SRPK1: variants seen among roughly 807,000 people sequenced by gnomAD.
SRPK1 encodes the protein SFRS protein kinase 1.
SRPK1 carries 52 observed loss-of-function variants against 89.5 expected under a neutral mutation model. That is an observed-to-expected ratio of 0.58 (90% CI 0.46 to 0.73). The LOEUF (loss-of-function observed/expected upper bound fraction) is 0.73. SRPK1 is among the 30% of genes least tolerant of loss of function. The pLI, the probability that SRPK1 is intolerant of heterozygous loss-of-function variation, is 0.00. For synonymous variants in SRPK1, 255 were observed against 270.2 expected, an observed-to-expected ratio of 0.94 and a Z score of 0.55; for missense variants, 603 against 780.6, an observed-to-expected ratio of 0.77 and a Z score of 2.71.
At chr6:35,871,566 C>T (rs894796603) in intron 8 of SRPK1, among the ~76,000 whole-genome samples, 3 of 152,120 alleles carry the variant, frequency 2.0e-5, no homozygotes, top group African/African-American at 7.2e-5. Flanking sequence ...AAAACAGAAA[C>T]TACATCCATT....
At chr6:35,839,926 C>T (rs1314329201) in intron 14 of SRPK1, among the ~76,000 whole-genome samples, 2 of 151,958 alleles carry the variant, frequency 1.3e-5, no homozygotes, top group Non-Finnish European at 2.9e-5. Context: ...TGATCTGCCG[C>T]CTTGGCCTCC....
chr6:35,912,039 G>A (rs6921531), intron 2 of SRPK1, among the ~76,000 whole-genome samples: 47,862 of 151,824 alleles, frequency 0.32, 7,778 homozygotes, highest in South Asian at 0.42. Context: ...CATCAATACT[G>A]AGGCAAGACC....
intron 2 of SRPK1, among the ~76,000 whole-genome samples, chr6:35,891,727 CAAA>C (rs71540131): frequency 9.6e-5 from 9 of 93,970 alleles, no homozygotes; most frequent in Non-Finnish European, 6.6e-5. Context: ...AACTCTGTCT[CAAA>C]AAAAAAAAAA....
chr6:35,851,158 G>A (rs1444597488), intron 13 of SRPK1, among the ~76,000 whole-genome samples: 1 of 151,076 alleles, frequency 6.6e-6, no homozygotes, highest in Admixed American at 6.6e-5. Context: ...AATGGAAAAA[G>A]TAAAAAGTGG....
chr6:35,882,118 CTAGTAGTAGTAGTAGTAG>C (rs59881690), intron 6 of SRPK1, among the ~76,000 whole-genome samples: 14 of 140,168 alleles, frequency 1.0e-4, no homozygotes, highest in South Asian at 4.6e-4. Flanking sequence ...AGTAGTAGTA[CTAGTAGTAGTAGTAGTAG>C]TAGTAGTAGT....
intron 15 of SRPK1, among the ~76,000 whole-genome samples, chr6:35,837,701 G>A (rs1162918360): frequency 1.3e-5 from 2 of 152,080 alleles, no homozygotes; most frequent in Non-Finnish European, 2.9e-5. Flanking sequence ...GACCACAGGT[G>A]TGTACCACCA....
intron 15 of SRPK1, 79 bp downstream of exon 15, chr6:35,838,258 G>T: frequency 1.1e-6 from 1 of 949,576 alleles, no homozygotes; most frequent in Non-Finnish European, 1.5e-6. Flanking sequence ...TCATTCTGTA[G>T]GACATTGGGA....
intron 3 of SRPK1, among the ~76,000 whole-genome samples, chr6:35,889,361 AAAC>A (rs547787423): frequency 3.6e-4 from 54 of 152,100 alleles, no homozygotes; most frequent in Non-Finnish European, 5.7e-4. Flanking sequence ...AAACAAAACA[AAAC>A]AGCCCAGGCA....
intron 13 of SRPK1, among the ~76,000 whole-genome samples, chr6:35,851,354 G>A (rs911812499): frequency 4.6e-5 from 7 of 151,674 alleles, no homozygotes; most frequent in Non-Finnish European, 1.0e-4. Flanking sequence ...TTGTATTTTT[G>A]GTAGAGACAG....
At chr6:35,920,602 C>T (rs1771213679) in intron 1 of SRPK1, 74 bp from the exon 2 acceptor site, 13 of 1,383,368 alleles carry the variant, frequency 9.4e-6, no homozygotes, top group Admixed American at 2.0e-5. Flanking sequence ...GGAGACCCAG[C>T]AGGGGCGCCA....
At position 35,920,524 on chromosome 6, in the gene SRPK1, A is replaced by C; in HGVS notation, c.18T>G (p.Leu6=). MERKV[L]ALQARKKRTK... is the part of the protein sequence containing the mutation. ...TCCTTTTCTTTCGGGCCTGGAGCGCAAGCACTGCAGGAGAGAGGGATGGAT... is the reference window on the plus strand; with the variant it reads ...TCCTTTTCTTTCGGGCCTGGAGCGCCAGCACTGCAGGAGAGAGGGATGGAT... The change falls in exon 2 of 16, where the codon CTT becomes CTG. Residue 6 remains leucine (L), a synonymous_variant. Transcript: ENST00000373825. 1 of 1,613,068 alleles carries C rather than the reference A, an allele frequency of 6.2e-7. No individual in the cohort carries two copies. Among genetic ancestry groups the C allele is most frequent in the South Asian group, 1.1e-5 (1 of 91,070 alleles).
At chr6:35,900,497 T>C (rs1219415015) in intron 2 of SRPK1, among the ~76,000 whole-genome samples, 1 of 152,180 alleles carries the variant, frequency 6.6e-6, no homozygotes, top group South Asian at 2.1e-4. Flanking sequence ...TGTGTTTACA[T>C]TCTAGCATGA....
rs538435354 is a variant in SRPK1 at position 35,853,789 on chromosome 6, C to A, written c.1620+3472G>T. Among the ~76,000 whole-genome samples, 12 of 152,224 alleles carry A rather than the reference C, an allele frequency of 7.9e-5. No individual in the cohort carries two copies. The South Asian group carries it at 2.5e-3, about 32-fold the overall frequency. On this transcript the variant is annotated intron_variant, in intron 13 of 15. Transcript: ENST00000373825. ...CAACTGGGGACTACAAACATACTTT[C>A]CCACAGTGGGAGGAAGGGCATTCAA...
intron 13 of SRPK1, among the ~76,000 whole-genome samples, chr6:35,844,436 C>A (rs189774064): frequency 3.9e-5 from 6 of 152,254 alleles, no homozygotes; most frequent in Admixed American, 3.9e-4. Flanking sequence ...GAGTCCAGGA[C>A]TTAGTTGGGG....
intron 14 of SRPK1, among the ~76,000 whole-genome samples, chr6:35,842,131 T>C (rs1052101605): frequency 2.6e-5 from 4 of 152,346 alleles, no homozygotes; most frequent in African/African-American, 9.6e-5. Flanking sequence ...AAATAGGATA[T>C]AGTCTCTGCA....
chr6:35,885,260 AACACACACACACACAC>A (rs71540130), intron 6 of SRPK1, among the ~76,000 whole-genome samples: 5 of 111,864 alleles, frequency 4.5e-5, no homozygotes, highest in South Asian at 6.9e-4. Context: ...TAATTCTTTG[AACACACACACACACAC>A]ACACACACAC....
chr6:35,839,511 T>C (rs1769256685), intron 14 of SRPK1, among the ~76,000 whole-genome samples: 1 of 152,146 alleles, frequency 6.6e-6, no homozygotes, highest in African/African-American at 2.4e-5. Context: ...AGCTGCTTGA[T>C]GATCTGTAAA....
chr6:35,881,985 TTA>T (rs1040126140), intron 6 of SRPK1, among the ~76,000 whole-genome samples: 26 of 150,946 alleles, frequency 1.7e-4, no homozygotes, highest in African/African-American at 6.3e-4. Flanking sequence ...CTGCACAATT[TTA>T]TGTTATGTGT....
chr6:35,846,652 T>C (rs1332478147), intron 13 of SRPK1, among the ~76,000 whole-genome samples: 1 of 151,824 alleles, frequency 6.6e-6, no homozygotes, highest in Non-Finnish European at 1.5e-5. Flanking sequence ...AAGAGACTAC[T>C]ATGCACAATC....
Sources: allele counts gnomAD v4.1 joint callset (sites outside exome capture counted in the v4.1 genomes callset), GRCh38; gene constraint gnomAD v4.1.1; transcripts MANE v1.5; gene names NCBI Gene and HGNC (gene_info 2026-07-23, HGNC 2026-07-21).